UPF2: variants seen among roughly 807,000 people sequenced by gnomAD.
UPF2 encodes the protein UPF2 regulator of nonsense mediated mRNA decay, also known as regulator of nonsense transcripts 2.
A neutral mutation model predicts 141.4 loss-of-function variants in UPF2; 17 were observed. The observed-to-expected ratio is 0.12, with a 90% confidence interval of 0.08 to 0.18. UPF2 has a LOEUF of 0.18. UPF2 is among the 10% of genes least tolerant of loss of function. UPF2 has a pLI of 1.00. For synonymous variants in UPF2, 540 were observed against 498.0 expected, an observed-to-expected ratio of 1.08 and a Z score of -1.12; for missense variants, 1,152 against 1,515.9, an observed-to-expected ratio of 0.76 and a Z score of 3.99.
At chr10:11,960,305 G>A (rs1382374869) in intron 11 of UPF2, among the ~76,000 whole-genome samples, 4 of 152,138 alleles carry the variant, frequency 2.6e-5, no homozygotes, top group Non-Finnish European at 5.9e-5. Flanking sequence ...CTAGCAACTC[G>A]GGAAGCTGAG....
In UPF2 at chr10:11,928,620, A is replaced by C. The variant is rs573858168; in HGVS notation, c.3809+1245T>G. The stretch of plus-strand genomic sequence containing the variant: ...GCTACTCGGGAGGCTGAGGCAGGAG[A>C]ATGGCGTGAACCCGGGAGGCAGAGC... On this transcript the variant is annotated intron_variant, in intron 21 of 21. Transcript: ENST00000357604. 3.1e-4 allele frequency: 63 copies of C among 201,426 alleles called. 2 individuals carry two copies. The South Asian group carries it at 3.9e-3, about 12-fold the overall frequency. 12.5% of individuals were successfully genotyped at this position (201,426 alleles called of 1,614,324 possible).
chr10:11,945,430 G>A (rs1477329535), intron 16 of UPF2, among the ~76,000 whole-genome samples: 1 of 152,034 alleles, frequency 6.6e-6, no homozygotes, highest in Non-Finnish European at 1.5e-5. Flanking sequence ...CCTTATGTTT[G>A]GAGGGCGGTC....
chr10:11,997,780 T>G, intron 7 of UPF2, 23 bp from the exon 8 acceptor site: 1 of 1,609,314 alleles, frequency 6.2e-7, no homozygotes, highest in Non-Finnish European at 8.5e-7. Context: ...AGTAAACTTT[T>G]TCTTTAAAAA....
intron 1 of UPF2, among the ~76,000 whole-genome samples, chr10:12,040,634 G>A (rs549294776): frequency 1.3e-5 from 2 of 151,992 alleles, no homozygotes; most frequent in South Asian, 2.1e-4. Context: ...AGTTCATGAA[G>A]AGGCAGCAAT....
intron 2 of UPF2, among the ~76,000 whole-genome samples, chr10:12,034,697 C>A (rs1262710753): frequency 1.3e-5 from 2 of 151,732 alleles, no homozygotes; most frequent in African/African-American, 2.4e-5. Context: ...CCCAGCTACT[C>A]GGGAGGCTGA....
chr10:11,975,932 T>TA (rs1261770704), intron 9 of UPF2, among the ~76,000 whole-genome samples: 4 of 152,194 alleles, frequency 2.6e-5, no homozygotes, highest in African/African-American at 4.8e-5. Context: ...TTTTCCCTAT[T>TA]AGAGTCATAC....
chr10:11,992,823 T>C lies in UPF2; in HGVS notation c.1844+4849A>G, dbSNP rs533696823. On this transcript the variant is annotated intron_variant, in intron 8 of 21. Coordinates refer to ENST00000357604, the MANE Select transcript of UPF2 (RefSeq NM_015542.4). The surrounding 1 kb of genome is among the most constrained non-coding windows in gnomAD (Gnocchi z 4.1). ...AAATAAAGGGCACAGGTATACCAAA[T>C]AAAAGGCACATGTATACCAAACGCA... is the stretch of plus-strand genomic sequence containing the variant. 1.3e-5 allele frequency among the ~76,000 whole-genome samples: 2 copies of C among 152,100 alleles called. No homozygotes were observed. The highest frequency in any genetic ancestry group is 2.1e-4 in the South Asian group (1 of 4,820).
chr10:12,008,884 C>T (rs1003441703), intron 4 of UPF2, among the ~76,000 whole-genome samples: 1 of 152,084 alleles, frequency 6.6e-6, no homozygotes, highest in African/African-American at 2.4e-5. Flanking sequence ...TGTTGTTCCC[C>T]TCCCTGTGTC....
rs566626361 is a variant in UPF2, at chr10:12,013,828, G to C, written c.1306+196C>G. Among the ~76,000 whole-genome samples the C allele has an allele frequency of 1.4e-3, 218 of 152,006 alleles. 2 individuals are homozygous for C. The highest frequency in any genetic ancestry group is 2.3e-3 in the Admixed American group (35 of 15,236). On this transcript the variant is annotated intron_variant, in intron 4 of 21. Transcript: ENST00000357604. ...TTGCCCAGGCTGCTATCAAACTCCT[G>C]GTCTCAAGCGATCCTCTTACCTTGG...
chr10:11,936,393 A>AC lies in UPF2; in HGVS notation c.3546+151_3546+152insG, dbSNP rs1239961803. The AC allele has an allele frequency of 6.1e-5, 52 of 851,538 alleles. No homozygotes were observed. In the African/African-American group the frequency reaches 9.0e-4, roughly 15 times the overall value. 52.7% of individuals were successfully genotyped at this position (851,538 alleles called of 1,614,324 possible). ...AAAAACAAAAACAAAAACAAAAACA[A>AC]AAACAAAAAAAACTATATAAGGGAA... On this transcript the variant is annotated intron_variant, in intron 19 of 21. Coordinates refer to ENST00000357604, the MANE Select transcript of UPF2 (RefSeq NM_015542.4). This position sits in a 1 kb window ranked among gnomAD's most constrained non-coding sequence, Gnocchi z 6.6.
chr10:11,951,994 C>A, intron 15 of UPF2, 72 bp downstream of exon 15: 1 of 1,484,166 alleles, frequency 6.7e-7, no homozygotes, highest in East Asian at 2.3e-5. Context: ...TGACTGGTAA[C>A]ATTATAAAGC....
intron 9 of UPF2, among the ~76,000 whole-genome samples, chr10:11,974,859 G>A (rs1403377671): frequency 6.6e-6 from 1 of 152,064 alleles, no homozygotes; most frequent in Non-Finnish European, 1.5e-5. Flanking sequence ...CTTGGAGTAG[G>A]GAGGGGAAAC....
chr10:12,010,100 G>A (rs888312844), intron 4 of UPF2, among the ~76,000 whole-genome samples: 5 of 152,210 alleles, frequency 3.3e-5, no homozygotes, highest in African/African-American at 1.2e-4. Flanking sequence ...ATTAAAGGCT[G>A]CTCTGGTACC....
intron 8 of UPF2, among the ~76,000 whole-genome samples, chr10:11,990,613 G>T (rs1394071267): frequency 6.6e-6 from 1 of 150,822 alleles, no homozygotes; most frequent in Non-Finnish European, 1.5e-5. Flanking sequence ...CTGGGAGGCG[G>T]AGCTTGCAGT....
At chr10:11,997,132 CT>C (rs1327401343) in intron 8 of UPF2, among the ~76,000 whole-genome samples, 1 of 152,156 alleles carries the variant, frequency 6.6e-6, no homozygotes, top group African/African-American at 2.4e-5. Flanking sequence ...TCAGAATTCT[CT>C]AAAAGCATTA....
At chr10:11,946,143 T>A (rs1308744457) in intron 16 of UPF2, among the ~76,000 whole-genome samples, 1 of 152,188 alleles carries the variant, frequency 6.6e-6, no homozygotes, top group African/African-American at 2.4e-5. Context: ...TACTAGCCAA[T>A]TAGGAAAACC....
At chr10:11,985,829 G>A (rs1564356065) in intron 8 of UPF2, among the ~76,000 whole-genome samples, 1 of 149,926 alleles carries the variant, frequency 6.7e-6, no homozygotes, top group Admixed American at 6.7e-5. Context: ...AAGCCAGATG[G>A]GTATTTCATC....
At chr10:11,952,506 G>A (rs11594544) in intron 14 of UPF2, among the ~76,000 whole-genome samples, 7,945 of 120,400 alleles carry the variant, frequency 0.066, 297 homozygotes, top group Middle Eastern at 0.14. Context: ...ATGGAGTCTC[G>A]CTCTGTCACC....
rs111388728 is a variant in UPF2, at chr10:12,001,546, T to C, written c.1654+130A>G. The C allele has an allele frequency of 4.3e-4, 381 of 879,804 alleles. 1 individual carries two copies. The African/African-American group carries it at 5.4e-3, about 12-fold the overall frequency. 54.5% of individuals were successfully genotyped at this position (879,804 alleles called of 1,614,324 possible). A position where few individuals can be genotyped will look rare whatever the true frequency, so the allele number is the denominator to read the frequency against. On this transcript the variant is annotated intron_variant, in intron 6 of 21. Transcript: ENST00000357604. ...ATAAATCAAATTCTGAAAACAGTGATGGACTGAAAACAACAGAAAAACAAG... is the reference window on the plus strand; with the variant it reads ...ATAAATCAAATTCTGAAAACAGTGACGGACTGAAAACAACAGAAAAACAAG...
Sources: allele counts gnomAD v4.1 joint callset (sites outside exome capture counted in the v4.1 genomes callset), GRCh38; gene constraint gnomAD v4.1.1; non-coding constraint Gnocchi (gnomAD v3.1); transcripts MANE v1.5; gene names NCBI Gene and HGNC (gene_info 2026-07-23, HGNC 2026-07-21).